Variants in RGS6 observed in about 807,000 individuals in gnomAD.
The protein encoded by RGS6 is regulator of G-protein signaling 6.
A neutral mutation model predicts 78.5 loss-of-function variants in RGS6; 30 were observed. The ratio of observed to expected loss-of-function variants is 0.38; its 90% confidence interval spans 0.29 to 0.52. The LOEUF is 0.52. Among genes scored for constraint, RGS6 ranks in the 20% least tolerant of loss-of-function variants. RGS6 has a pLI of 0.85. For synonymous variants in RGS6, 206 were observed against 206.0 expected, an observed-to-expected ratio of 1.00 and a Z score of 0.00; for missense variants, 495 against 609.7, an observed-to-expected ratio of 0.81 and a Z score of 1.98.
chr14:72,048,037 G>T (rs1054991118), intron 2 of RGS6, among the ~76,000 whole-genome samples: 1 of 151,606 alleles, frequency 6.6e-6, no homozygotes, highest in African/African-American at 2.4e-5. Flanking sequence ...CTACCACATG[G>T]TACCTGGATG....
chr14:71,903,586 G>T, the RGS6 span, among the ~76,000 whole-genome samples: 3 of 152,180 alleles, frequency 2.0e-5, no homozygotes, highest in Admixed American at 6.5e-5. Flanking sequence ...CATACCTTGA[G>T]GTAACGAGCC....
chr14:72,388,742 C>A (rs971366272), intron 3 of RGS6, among the ~76,000 whole-genome samples: 5 of 152,114 alleles, frequency 3.3e-5, no homozygotes, highest in African/African-American at 4.8e-5. Context: ...GGTTTGAATC[C>A]CAGCTCTACT....
intron 2 of RGS6, among the ~76,000 whole-genome samples, chr14:72,252,494 A>G (rs760652894): frequency 6.6e-6 from 1 of 152,242 alleles, no homozygotes; most frequent in South Asian, 2.1e-4. Context: ...CTGTAATCCT[A>G]GAAATACTGC....
At chr14:71,909,552 G>A in the RGS6 span, among the ~76,000 whole-genome samples, 1 of 109,414 alleles carries the variant, frequency 9.1e-6, no homozygotes, top group Admixed American at 1.0e-4. Flanking sequence ...GACAGAGAGG[G>A]AGAGAGAGAG....
rs991910664 is a variant in RGS6, at chr14:72,295,014, G to A, written c.85-57081G>A. Among the ~76,000 whole-genome samples the A allele has an allele frequency of 7.9e-5, 12 of 152,198 alleles. No homozygotes were observed. In the South Asian group the frequency reaches 8.3e-4, roughly 11 times the overall value. ...AACATCAGAACCCTTTGTTCAGGCCGGGCGCGGTGGCTCACGCCTGTAATC... is the reference window on the plus strand; with the variant it reads ...AACATCAGAACCCTTTGTTCAGGCCAGGCGCGGTGGCTCACGCCTGTAATC... On this transcript the variant is annotated intron_variant, in intron 2 of 17. Transcript: ENST00000553525.
At chr14:72,521,071 G>A (rs2097031338) in intron 15 of RGS6, among the ~76,000 whole-genome samples, 5 of 152,192 alleles carry the variant, frequency 3.3e-5, no homozygotes, top group Admixed American at 3.3e-4. Context: ...ACAGAGCTAG[G>A]AAATGTGTTG....
At chr14:72,376,316 A>G (rs1488223744) in intron 3 of RGS6, among the ~76,000 whole-genome samples, 1 of 152,238 alleles carries the variant, frequency 6.6e-6, no homozygotes, top group African/African-American at 2.4e-5. Flanking sequence ...AATAGATGAA[A>G]TTAAATAAAT....
At chr14:72,384,474 T>A (rs1033564755) in intron 3 of RGS6, among the ~76,000 whole-genome samples, 2 of 152,242 alleles carry the variant, frequency 1.3e-5, no homozygotes, top group Non-Finnish European at 2.9e-5. Context: ...TTTAACCTTA[T>A]GTTACTTACT....
At chr14:72,467,269 T>G (rs1477091678) in intron 7 of RGS6, among the ~76,000 whole-genome samples, 1 of 152,194 alleles carries the variant, frequency 6.6e-6, no homozygotes, top group Non-Finnish European at 1.5e-5. Flanking sequence ...GATGTGCTGC[T>G]GAGCCATGAA....
At chr14:72,124,354 G>A (rs2096133997) in intron 2 of RGS6, among the ~76,000 whole-genome samples, 1 of 152,122 alleles carries the variant, frequency 6.6e-6, no homozygotes, top group Admixed American at 6.6e-5. Flanking sequence ...GCAAAGATAG[G>A]CTTAATCAAG....
At chr14:72,397,658 T>C (rs962975103) in intron 3 of RGS6, among the ~76,000 whole-genome samples, 4 of 152,168 alleles carry the variant, frequency 2.6e-5, no homozygotes, top group Non-Finnish European at 4.4e-5. Context: ...CCAGTTTTTG[T>C]CCATTCAGTA....
chr14:72,454,218 G>C (rs1426600389), intron 3 of RGS6, among the ~76,000 whole-genome samples: 1 of 152,170 alleles, frequency 6.6e-6, no homozygotes, highest in Non-Finnish European at 1.5e-5. Flanking sequence ...AAATGGTCTG[G>C]GGGCCAGGCA....
At chr14:72,262,146 G>A (rs1375470308) in intron 2 of RGS6, among the ~76,000 whole-genome samples, 4 of 152,040 alleles carry the variant, frequency 2.6e-5, no homozygotes, top group African/African-American at 7.2e-5. Context: ...GTTCCTTTTG[G>A]AGAGCGGTGG....
chr14:72,181,463 AAAT>A (rs2097172234), intron 2 of RGS6, among the ~76,000 whole-genome samples: 1 of 152,194 alleles, frequency 6.6e-6, no homozygotes, highest in African/African-American at 2.4e-5. Flanking sequence ...CTTGTTACTT[AAAT>A]GTGTTACCTT....
intron 3 of RGS6, chr14:72,421,603 C>A (rs954206922): frequency 6.6e-6 from 1 of 152,154 alleles, no homozygotes; most frequent in Non-Finnish European, 1.5e-5. Flanking sequence ...TCTAAAATCA[C>A]CTCTGCTTTG....
At chr14:72,412,677 C>G (rs1201119702) in intron 3 of RGS6, among the ~76,000 whole-genome samples, 1 of 152,046 alleles carries the variant, frequency 6.6e-6, no homozygotes, top group Admixed American at 6.6e-5. Context: ...CAATTTTAGA[C>G]CTTTCGTGCT....
intron 3 of RGS6, among the ~76,000 whole-genome samples, chr14:72,422,230 C>G (rs1417127783): frequency 6.6e-6 from 1 of 152,086 alleles, no homozygotes; most frequent in Non-Finnish European, 1.5e-5. Context: ...TGTAAATTGC[C>G]CAGTCTTAGG....
chr14:71,993,592 C>T (rs1222294066), intron 2 of RGS6, among the ~76,000 whole-genome samples: 1 of 152,140 alleles, frequency 6.6e-6, no homozygotes, highest in African/African-American at 2.4e-5. Flanking sequence ...CTTGCTCTGG[C>T]TTATACAGAT....
chr14:71,902,038 G>A, the RGS6 span, among the ~76,000 whole-genome samples: 1 of 151,710 alleles, frequency 6.6e-6, no homozygotes, highest in African/African-American at 2.4e-5. Flanking sequence ...CTACAATAAT[G>A]TGTCAAGCCT....
Sources: allele counts gnomAD v4.1 joint callset (sites outside exome capture counted in the v4.1 genomes callset), GRCh38; gene constraint gnomAD v4.1.1; transcripts MANE v1.5; gene names NCBI Gene and HGNC (gene_info 2026-07-23, HGNC 2026-07-21).